The following WDR41 variants were observed in gnomAD, a reference collection of about 807,000 sequenced individuals.
WDR41 encodes WD repeat domain 41, also known as WD repeat-containing protein 41.
In WDR41, 63 loss-of-function variants were observed where a neutral mutation model predicts 69.3. That is an observed-to-expected ratio of 0.91 (90% confidence interval 0.74 to 1.12). WDR41 has a LOEUF of 1.12. Among genes scored for constraint, WDR41 ranks in the 50% most tolerant of loss-of-function variants. WDR41 has a pLI of 0.00. For missense variants in WDR41, 543 were observed against 534.5 expected (o/e 1.02, Z -0.16); for synonymous variants, 185 against 192.1 (o/e 0.96, Z 0.31).
chr5:77,566,809 A>T (rs920458287), intron 1 of WDR41, among the ~76,000 whole-genome samples: 1 of 152,106 alleles, frequency 6.6e-6, no homozygotes, highest in African/African-American at 2.4e-5. Context: ...ATTGACTGCA[A>T]TCAAAGTCTG....
At chr5:77,460,618 G>T (rs1382004486) in intron 4 of WDR41, among the ~76,000 whole-genome samples, 1 of 152,014 alleles carries the variant, frequency 6.6e-6, no homozygotes, top group African/African-American at 2.4e-5. Flanking sequence ...TTGGATTTTG[G>T]AATATGTGCA....
intron 1 of WDR41, among the ~76,000 whole-genome samples, chr5:77,599,592 T>C (rs1231403535): frequency 1.3e-5 from 2 of 152,148 alleles, no homozygotes; most frequent in Non-Finnish European, 2.9e-5. Flanking sequence ...ATTATTTAGT[T>C]AATAAATGCT....
At chr5:77,450,892 C>A (rs1440870227) in intron 7 of WDR41, among the ~76,000 whole-genome samples, 1 of 152,120 alleles carries the variant, frequency 6.6e-6, no homozygotes, top group African/African-American at 2.4e-5. Flanking sequence ...AATCTCTATC[C>A]AGGTTATTTA....
chr5:77,585,764 G>A (rs1274967770), intron 1 of WDR41, among the ~76,000 whole-genome samples: 1 of 152,176 alleles, frequency 6.6e-6, no homozygotes, highest in African/African-American at 2.4e-5. Flanking sequence ...ATATGTAGGA[G>A]CTAAGCTATG....
At chr5:77,462,952 G>GT in intron 4 of WDR41, 143 bp downstream of exon 4, 1 of 792,284 alleles carries the variant, frequency 1.3e-6, no homozygotes, top group Non-Finnish European at 1.9e-6. Context: ...CTAATAAATG[G>GT]TATCTTATAA....
At chr5:77,593,219 AT>A (rs1420477370) in intron 1 of WDR41, among the ~76,000 whole-genome samples, 1 of 152,138 alleles carries the variant, frequency 6.6e-6, no homozygotes, top group Non-Finnish European at 1.5e-5. Context: ...ATGACTTTGT[AT>A]TTTACTCTAA....
intron 1 of WDR41, among the ~76,000 whole-genome samples, chr5:77,558,453 C>T (rs535274444): frequency 6.6e-6 from 1 of 152,312 alleles, no homozygotes; most frequent in Admixed American, 6.5e-5. Flanking sequence ...GCCGCATTCA[C>T]CAAAAGAGCC....
intron 1 of WDR41, among the ~76,000 whole-genome samples, chr5:77,573,490 A>G (rs1743769583): frequency 6.6e-6 from 1 of 152,206 alleles, no homozygotes; most frequent in Admixed American, 6.5e-5. Context: ...AGACCACAGA[A>G]GAATGAAATA....
chr5:77,572,358 A>G (rs1173539032), intron 1 of WDR41, among the ~76,000 whole-genome samples: 1 of 152,342 alleles, frequency 6.6e-6, no homozygotes, highest in Non-Finnish European at 1.5e-5. Context: ...AATTACATGT[A>G]TCTGTTCTAG....
intron 9 of WDR41, 91 bp from the exon 10 acceptor site, chr5:77,438,452 CACCATT>C: frequency 6.6e-7 from 1 of 1,522,908 alleles, no homozygotes; most frequent in Middle Eastern, 1.8e-4. Flanking sequence ...ATCAGAAAGC[CACCATT>C]ACCTTTCCCA....
intron 1 of WDR41, among the ~76,000 whole-genome samples, chr5:77,511,263 A>C (rs894044082): frequency 6.6e-6 from 1 of 152,158 alleles, no homozygotes; most frequent in African/African-American, 2.4e-5. Context: ...TTTTCAATAC[A>C]GGCCACTACA....
chr5:77,444,754 T>G (rs1462098245), intron 8 of WDR41, among the ~76,000 whole-genome samples: 1 of 152,252 alleles, frequency 6.6e-6, no homozygotes, highest in African/African-American at 2.4e-5. Context: ...AACGTGCCTA[T>G]GTACTGCAAG....
chr5:77,463,298 T>C lies in WDR41; in HGVS notation c.217-72A>G, dbSNP rs1274009842. On this transcript the variant is annotated intron_variant, in intron 3 of 12. Transcript: ENST00000296679. ...GATAATCATAAATGACTACATTAAG[T>C]ACAACTACCATATAGAAGATACATA... 3 of 1,407,420 alleles carry C rather than the reference T, an allele frequency of 2.1e-6. No individual in the cohort carries two copies. In the African/African-American group the frequency reaches 4.3e-5, roughly 20 times the overall value. 87.2% of individuals were successfully genotyped at this position (1,407,420 alleles called of 1,614,324 possible). A position where few individuals can be genotyped will look rare whatever the true frequency, so the allele number is the denominator to read the frequency against.
chr5:77,489,782 C>T (rs1356243149), intron 1 of WDR41, among the ~76,000 whole-genome samples: 1 of 152,124 alleles, frequency 6.6e-6, no homozygotes, highest in Non-Finnish European at 1.5e-5. Flanking sequence ...CTTCTCCTAC[C>T]ACAAATTCGA....
intron 1 of WDR41, among the ~76,000 whole-genome samples, chr5:77,548,152 A>T (rs554179529): frequency 6.6e-6 from 1 of 152,384 alleles, no homozygotes; most frequent in African/African-American, 2.4e-5. Flanking sequence ...TAAGTACTTA[A>T]ATCTAAGACC....
At chr5:77,443,822 T>C (rs1309633314) in intron 8 of WDR41, among the ~76,000 whole-genome samples, 2 of 151,170 alleles carry the variant, frequency 1.3e-5, no homozygotes, top group East Asian at 1.9e-4. Flanking sequence ...AAAATATTAA[T>C]GACCAGTTGG....
intron 2 of WDR41, among the ~76,000 whole-genome samples, chr5:77,465,838 T>C (rs1581726440): frequency 1.3e-5 from 2 of 151,878 alleles, no homozygotes; most frequent in East Asian, 3.9e-4. Context: ...TTCTAATGGA[T>C]TTTTTACCCC....
chr5:77,511,864 G>A (rs989106565), intron 1 of WDR41, among the ~76,000 whole-genome samples: 2 of 151,124 alleles, frequency 1.3e-5, no homozygotes, highest in Admixed American at 1.3e-4. Context: ...GATTCTTACC[G>A]AGAGCCAACC....
intron 1 of WDR41, among the ~76,000 whole-genome samples, chr5:77,534,189 A>T (rs1581788896): frequency 1.5e-5 from 1 of 68,272 alleles, no homozygotes; most frequent in African/African-American, 5.8e-5. Flanking sequence ...TTTGCTTATT[A>T]AAAAATAATC....
Sources: gnomAD v4.1 joint callset for allele counts (sites outside exome capture counted in the v4.1 genomes callset) on GRCh38, gnomAD v4.1.1 for gene constraint, MANE v1.5 for transcripts, NCBI Gene and HGNC (gene_info 2026-07-23, HGNC 2026-07-21) for gene names.